Variants in CORO1C observed in about 807,000 individuals in gnomAD.
CORO1C encodes the protein coronin-1C.
In CORO1C, 14 loss-of-function variants were observed where a neutral mutation model predicts 51.2. The ratio of observed to expected loss-of-function variants is 0.27; its 90% CI spans 0.18 to 0.43. The LOEUF is 0.43. Ranked by LOEUF, CORO1C falls within the 20% of genes least tolerant of loss-of-function variation. The pLI is 1.00. For synonymous variants in CORO1C, 181 were observed against 210.5 expected (o/e 0.86, Z 1.21); for missense variants, 417 against 607.8 (o/e 0.69, Z 3.30).
intron 6 of CORO1C, among the ~76,000 whole-genome samples, chr12:108,655,912 C>A (rs1368159458): frequency 1.3e-5 from 2 of 148,614 alleles, no homozygotes; most frequent in South Asian, 2.2e-4. Context: ...TCTTCCCGGC[C>A]GCCATCCCGT....
At chr12:108,711,278 G>A (rs1156507127) in intron 1 of CORO1C, among the ~76,000 whole-genome samples, 1 of 152,220 alleles carries the variant, frequency 6.6e-6, no homozygotes, top group African/African-American at 2.4e-5. Flanking sequence ...GCTGAGGTGG[G>A]AGGACTGCTT....
In CORO1C at chr12:108,654,211, A is replaced by C. The variant is rs1006555754; in HGVS notation, c.855+95T>G. ...CATACACACACAAATTAGAAAAATT[A>C]AACAGATACAACACATTGCCCGTCC... On this transcript the variant is annotated intron_variant, in intron 7 of 10. Transcript: ENST00000261401. 1.5e-5 allele frequency: 12 copies of C among 817,452 alleles called. No homozygotes were observed. In the South Asian group the frequency reaches 1.9e-4, roughly 13 times the overall value. 50.6% of individuals were successfully genotyped at this position (817,452 alleles called of 1,614,324 possible).
intron 1 of CORO1C, chr12:108,701,630 G>A (rs905401357): frequency 1.1e-5 from 4 of 362,838 alleles, no homozygotes; most frequent in Non-Finnish European, 2.1e-5. Flanking sequence ...GCCTTTCAGG[G>A]TTGGGTGGGA....
chr12:108,710,211 T>C (rs933282466), intron 1 of CORO1C, among the ~76,000 whole-genome samples: 11 of 152,348 alleles, frequency 7.2e-5, no homozygotes, highest in Non-Finnish European at 1.5e-4. Context: ...GGCTCAACTA[T>C]GAGATGCTCT....
At chr12:108,702,805 G>C (rs757863204) in intron 1 of CORO1C, 1 of 1,529,250 alleles carries the variant, frequency 6.5e-7, no homozygotes, top group Admixed American at 2.0e-5. Flanking sequence ...CCCTTCCAAC[G>C]CATGTGTGAA....
At chr12:108,678,885 G>C (rs2034010711) in intron 2 of CORO1C, among the ~76,000 whole-genome samples, 1 of 151,900 alleles carries the variant, frequency 6.6e-6, no homozygotes, top group South Asian at 2.1e-4. Flanking sequence ...ACTTTGGGAG[G>C]CTGAGGCAGG....
intron 1 of CORO1C, among the ~76,000 whole-genome samples, chr12:108,716,127 CAAAAAAAAAAAAAA>C (rs61278729): frequency 1.0e-3 from 41 of 41,104 alleles, no homozygotes; most frequent in East Asian, 3.8e-3. Flanking sequence ...GACTCTGTCG[CAAAAAAAAAAAAAA>C]AAAAAAAAAA....
intron 10 of CORO1C, 69 bp from the exon 11 acceptor site, chr12:108,647,591 G>C (rs764528013): frequency 1.7e-6 from 2 of 1,147,882 alleles, no homozygotes; most frequent in Non-Finnish European, 2.5e-6. Context: ...TTCAAAACTT[G>C]TAAGATATAA....
At chr12:108,715,238 AAAAACAAAAC>A (rs202229601) in intron 1 of CORO1C, among the ~76,000 whole-genome samples, 6 of 152,232 alleles carry the variant, frequency 3.9e-5, no homozygotes, top group African/African-American at 1.2e-4. Flanking sequence ...TGTCTCTTAA[AAAAACAAAAC>A]AAAACAAAAC....
At chr12:108,711,326 T>G (rs140582947) in intron 1 of CORO1C, among the ~76,000 whole-genome samples, 1 of 152,064 alleles carries the variant, frequency 6.6e-6, no homozygotes, top group Non-Finnish European at 1.5e-5. Context: ...GCCATGATCA[T>G]GCCACTGCAC....
At chr12:108,713,416 T>A (rs2035239531) in intron 1 of CORO1C, among the ~76,000 whole-genome samples, 1 of 152,186 alleles carries the variant, frequency 6.6e-6, no homozygotes, top group Non-Finnish European at 1.5e-5. Flanking sequence ...GCCTTCCAAA[T>A]AGTTTCATCC....
At chr12:108,712,831 A>G (rs914569568) in intron 1 of CORO1C, among the ~76,000 whole-genome samples, 2 of 150,948 alleles carry the variant, frequency 1.3e-5, no homozygotes, top group Non-Finnish European at 2.9e-5. Context: ...AGGCTGATGC[A>G]GGAAGACTGC....
intron 2 of CORO1C, among the ~76,000 whole-genome samples, chr12:108,692,431 C>A (rs984359280): frequency 2.0e-5 from 3 of 152,234 alleles, no homozygotes; most frequent in Admixed American, 2.0e-4. Context: ...AATTGCCTGT[C>A]AGCAATGCAC....
At chr12:108,727,935 T>C (rs2035630013) in intron 1 of CORO1C, among the ~76,000 whole-genome samples, 1 of 152,200 alleles carries the variant, frequency 6.6e-6, no homozygotes, top group African/African-American at 2.4e-5. Context: ...AGCATTTGAA[T>C]GGACATTTCT....
Position 108,659,535 on chromosome 12 carries a change from T to C in CORO1C, c.449-616A>G, listed in dbSNP as rs1049758125. Among the ~76,000 whole-genome samples the C allele has an allele frequency of 3.9e-5, 6 of 152,210 alleles. 1 individual carries two copies. Among genetic ancestry groups the C allele is most frequent in the Admixed American group, 2.6e-4 (4 of 15,284 alleles). On this transcript the variant is annotated intron_variant, in intron 4 of 10. Coordinates refer to ENST00000261401, the MANE Select transcript of CORO1C (RefSeq NM_014325.4). The stretch of plus-strand genomic sequence containing the variant: ...TTTCCGAAAGATATTTCTGTGCACA[T>C]ACATAAATTATTTTACATACAGAGA...
chr12:108,682,332 A>T (rs575604344), intron 2 of CORO1C, among the ~76,000 whole-genome samples: 1 of 152,260 alleles, frequency 6.6e-6, no homozygotes, highest in African/African-American at 2.4e-5. Context: ...CACATATTTT[A>T]AAAAAATAAT....
intron 1 of CORO1C, among the ~76,000 whole-genome samples, chr12:108,710,381 T>A (rs1432635731): frequency 6.6e-6 from 1 of 152,152 alleles, no homozygotes; most frequent in Non-Finnish European, 1.5e-5. Flanking sequence ...TAAACTTGTT[T>A]TCACTTTAAA....
At position 108,647,475 on chromosome 12, in the gene CORO1C, T is replaced by C. The variant is rs2032412837; in HGVS notation, c.1353A>G (p.Ile451Met). 1.2e-6 allele frequency: 2 copies of C among 1,609,896 alleles called. No homozygotes were observed. Among genetic ancestry groups the C allele is most frequent in the South Asian group, 2.2e-5 (2 of 90,810 alleles). The change falls in exon 11 of 11, where the codon ATA becomes ATG. Residue 451 changes from isoleucine (I) to methionine (M), a missense_variant. By Grantham distance (10) the Ile-to-Met change is conservative. Transcript: ENST00000261401. ...CATCTTGATTGCAGATTGTGTCTTT[T>C]ATAGATTTGATCTCTTTTAAAATCT... ...LDEILKEIKS[I>M]KDTICNQDER...
At position 108,678,012 on chromosome 12, in the gene CORO1C, C is replaced by G. The variant is rs1299976755; in HGVS notation, c.318+260G>C. Among the ~76,000 whole-genome samples, 5 of 148,640 alleles carry G rather than the reference C, an allele frequency of 3.4e-5. No individual in the cohort carries two copies. In the East Asian group the frequency reaches 9.7e-4, roughly 29 times the overall value. ...CCAGCCTGGGTGACAGAGCAAGACTCCATCTCAAAAAAAAAAAAGAAAAAG... is the reference window on the plus strand; with the variant it reads ...CCAGCCTGGGTGACAGAGCAAGACTGCATCTCAAAAAAAAAAAAGAAAAAG... On this transcript the variant is annotated intron_variant, in intron 3 of 10. Transcript: ENST00000261401.
Sources: allele counts gnomAD v4.1 joint callset (sites outside exome capture counted in the v4.1 genomes callset), GRCh38; gene constraint gnomAD v4.1.1; transcripts MANE v1.5; gene names NCBI Gene and HGNC (gene_info 2026-07-23, HGNC 2026-07-21).